MTF1: variants seen among roughly 807,000 people sequenced by gnomAD.
The protein encoded by MTF1 is MRE-binding transcription factor.
A neutral mutation model predicts 70.4 loss-of-function variants in MTF1; 22 were observed. The ratio of observed to expected loss-of-function variants is 0.31; its 90% CI spans 0.22 to 0.45. MTF1 has a LOEUF of 0.45. MTF1 is among the 20% of genes least tolerant of loss of function. MTF1 has a pLI of 1.00. For synonymous variants in MTF1, 333 were observed against 352.8 expected (o/e 0.94, Z 0.63); for missense variants, 649 against 922.0 (o/e 0.70, Z 3.83).
At position 37,835,137 on chromosome 1, in the gene MTF1, T is replaced by C; in HGVS notation, c.932A>G (p.Lys311Arg). The C allele has an allele frequency of 6.2e-7, 1 of 1,614,006 alleles. No individual in the cohort carries two copies. The highest frequency in any genetic ancestry group is 8.5e-7 in the Non-Finnish European group (1 of 1,179,840). ...TGAGTGTCCTTTGTTATCATGACCT[T>C]TCATGTGACTTTTGAGACTGTATTG... The part of the protein sequence containing the change: ...STQYSLKSHM[K>R]GHDNKGHSYN... The change falls in exon 6 of 11, where the codon AAA (lysine) becomes AGA (arginine). Residue 311 changes from lysine to arginine, a missense_variant. By Grantham distance (26) the Lys-to-Arg change is conservative. Coordinates refer to ENST00000373036, the MANE Select transcript of MTF1 (RefSeq NM_005955.3).
chr1:37,835,230 AAGT>A lies in MTF1; in HGVS notation c.854-18_854-16del. ...GGGTCTTTCACCTGCAAGAATAACAAAGTAGTGTTAATTTACCATAAAGTCATT... is the reference window on the plus strand; with the variant it reads ...GGGTCTTTCACCTGCAAGAATAACAAAGTGTTAATTTACCATAAAGTCATT... On this transcript the variant is annotated splice_polypyrimidine_tract_variant and intron_variant, in intron 5 of 10. Coordinates refer to ENST00000373036, the MANE Select transcript of MTF1 (RefSeq NM_005955.3). 6.2e-7 allele frequency: 1 copy of A among 1,610,214 alleles called. No individual in the cohort carries two copies. Among genetic ancestry groups the A allele is most frequent in the Non-Finnish European group, 8.5e-7 (1 of 1,176,614 alleles).
Position 37,858,559 on chromosome 1 carries a change from G to A in MTF1, c.-51-850C>T, listed in dbSNP as rs534998160. ...TCAGGCACAAACAACGAAGATCACTGTATCTATTTATGTCCTAAAACAATA... is the reference window on the plus strand; with the variant it reads ...TCAGGCACAAACAACGAAGATCACTATATCTATTTATGTCCTAAAACAATA... On this transcript the variant is annotated intron_variant, in intron 1 of 10. Transcript: ENST00000373036. 5 of 152,302 alleles carry A rather than the reference G, an allele frequency of 3.3e-5. No homozygotes were observed. The South Asian group carries it at 1.0e-3, about 32-fold the overall frequency. 9.4% of individuals were successfully genotyped at this position (152,302 alleles called of 1,614,324 possible). A position where few individuals can be genotyped will look rare whatever the true frequency, so the allele number is the denominator to read the frequency against.
In MTF1 at chr1:37,812,080, A is replaced by G. The variant is rs1020551425; in HGVS notation, c.*3056T>C. On this transcript the variant is annotated 3_prime_UTR_variant, in exon 11 of 11. Coordinates refer to ENST00000373036, the MANE Select transcript of MTF1 (RefSeq NM_005955.3). The stretch of plus-strand genomic sequence containing the variant: ...TTGTCTAATTGGAGATGTTAGTAGG[A>G]GCTAGAAGATAACGTACAGGGTGAA... 1 of 152,714 alleles carries G rather than the reference A, an allele frequency of 6.5e-6. No homozygotes were observed. Among genetic ancestry groups the G allele is most frequent in the Non-Finnish European group, 1.5e-5 (1 of 68,060 alleles). The allele number at this position is 152,714 out of a possible 1,614,324, so 9.5% of individuals were successfully genotyped here. A position where few individuals can be genotyped will look rare whatever the true frequency, so the allele number is the denominator to read the frequency against.
rs1382609353 is a variant in MTF1 at position 37,815,676 on chromosome 1, A to T, written c.1832-110T>A. 3 of 827,750 alleles carry T rather than the reference A, an allele frequency of 3.6e-6. No individual in the cohort carries two copies. The East Asian group carries it at 7.6e-5, about 21-fold the overall frequency. The allele number at this position is 827,750 out of a possible 1,614,324, so 51.3% of individuals were successfully genotyped here. ...GCAGAGTGCCATGGGAACCATGGGA[A>T]GGATGGTTGCCACACTTCGGGCTTC... On this transcript the variant is annotated intron_variant, in intron 10 of 10. Coordinates refer to ENST00000373036, the MANE Select transcript of MTF1 (RefSeq NM_005955.3). The surrounding 1 kb of genome is among the most constrained non-coding windows in gnomAD (Gnocchi z 4.5).
intron 7 of MTF1, among the ~76,000 whole-genome samples, chr1:37,825,486 C>T (rs1019649588): frequency 6.6e-6 from 1 of 152,150 alleles, no homozygotes; most frequent in Non-Finnish European, 1.5e-5. Flanking sequence ...ATCCTCCCAC[C>T]CCAGCCTCCC....
chr1:37,851,826 A>T (rs754268702), intron 2 of MTF1, among the ~76,000 whole-genome samples: 6 of 151,682 alleles, frequency 4.0e-5, no homozygotes, highest in Non-Finnish European at 8.8e-5. Flanking sequence ...CTACTGCCTC[A>T]TCACTCTTCT....
chr1:37,857,683 G>T lies in MTF1; in HGVS notation c.-25C>A, dbSNP rs891043995. ...TGGTTCAGTTGTGCTCAGCCCAGTT[G>T]TGAGAAATGAAAACGTAATGACTTG... On this transcript the variant is annotated 5_prime_UTR_variant, in exon 2 of 11. Coordinates refer to ENST00000373036, the MANE Select transcript of MTF1 (RefSeq NM_005955.3). 1.2e-6 allele frequency: 2 copies of T among 1,605,780 alleles called. No individual in the cohort carries two copies. Among genetic ancestry groups the T allele is most frequent in the Non-Finnish European group, 1.7e-6 (2 of 1,174,816 alleles).
intron 6 of MTF1, among the ~76,000 whole-genome samples, chr1:37,832,889 C>T (rs534752958): frequency 4.0e-5 from 6 of 151,896 alleles, no homozygotes; most frequent in Admixed American, 3.9e-4. Flanking sequence ...GCCTGTAATC[C>T]CAGCTACTCG....
intron 3 of MTF1, among the ~76,000 whole-genome samples, chr1:37,839,510 G>A (rs1641223897): frequency 6.6e-6 from 1 of 152,150 alleles, no homozygotes; most frequent in African/African-American, 2.4e-5. Flanking sequence ...ATTGGCTACT[G>A]AATAGGCCAC....
chr1:37,819,358 C>T (rs1213008467), intron 9 of MTF1, among the ~76,000 whole-genome samples: 2 of 152,158 alleles, frequency 1.3e-5, no homozygotes, highest in African/African-American at 2.4e-5. Context: ...CGCGGTGGCT[C>T]ACGCCTGTAA....
chr1:37,837,498 A>T lies in MTF1; in HGVS notation c.779+1127T>A, dbSNP rs559816818. Among the ~76,000 whole-genome samples, 91 of 149,994 alleles carry T rather than the reference A, an allele frequency of 6.1e-4. 1 individual carries two copies. Among genetic ancestry groups the T allele is most frequent in the African/African-American group, 1.8e-3 (72 of 40,934 alleles). Reference sequence around the variant, plus strand: ...CTGCCAAAATTCAAATACATTGTTTATTTTTTTTTTATTTTTATTTTTTTT... The same window carrying T: ...CTGCCAAAATTCAAATACATTGTTTTTTTTTTTTTTATTTTTATTTTTTTT... On this transcript the variant is annotated intron_variant, in intron 4 of 10. Coordinates refer to ENST00000373036, the MANE Select transcript of MTF1 (RefSeq NM_005955.3).
intron 10 of MTF1, 147 bp downstream of exon 10, chr1:37,817,272 C>G: frequency 1.5e-6 from 1 of 683,714 alleles, no homozygotes; most frequent in Non-Finnish European, 2.6e-6. Flanking sequence ...ATATGAAATA[C>G]TCTAGCCAAC....
chr1:37,857,579 A>G lies in MTF1; in HGVS notation c.80T>C (p.Leu27Pro). The G allele has an allele frequency of 1.2e-6, 2 of 1,614,218 alleles. No homozygotes were observed. The highest frequency in any genetic ancestry group is 1.7e-5 in the Admixed American group (1 of 60,024). ...CAGTCCGTTTTTATCCACAAACCTG[A>G]GCATTTTATCATCGGGGGTCAGCTC... ...EDELTPDDKM[L>P]RFVDKNGLVP... Residue 27 changes from leucine (L) to proline (P), a missense_variant, in exon 2 of 11, where the codon CTC (leucine) becomes CCC (proline). Physicochemically the swap from Leu to Pro is moderately conservative, Grantham distance 98 (BLOSUM62 -3). Transcript: ENST00000373036.
At chr1:37,853,254 G>C (rs775061168) in intron 2 of MTF1, among the ~76,000 whole-genome samples, 3 of 152,174 alleles carry the variant, frequency 2.0e-5, no homozygotes, top group African/African-American at 7.2e-5. Flanking sequence ...ATTTCTAGGA[G>C]AGTACAGTTC....
chr1:37,859,160 G>A (rs1486720577), intron 1 of MTF1, among the ~76,000 whole-genome samples: 2 of 152,198 alleles, frequency 1.3e-5, no homozygotes, highest in Non-Finnish European at 2.9e-5. Flanking sequence ...CGGCGGCAAC[G>A]CGGAGACCAA....
chr1:37,833,410 G>C (rs1013736609), intron 6 of MTF1, among the ~76,000 whole-genome samples: 2 of 152,116 alleles, frequency 1.3e-5, no homozygotes, highest in African/African-American at 4.8e-5. Flanking sequence ...GTGGTACTGG[G>C]GATTTAGAAT....
Position 37,815,998 on chromosome 1 carries a change from T to C in MTF1, c.1832-432A>G, listed in dbSNP as rs1311996723. Among the ~76,000 whole-genome samples, 1 of 152,154 alleles carries C rather than the reference T, an allele frequency of 6.6e-6. No individual in the cohort carries two copies. The highest frequency in any genetic ancestry group is 1.5e-5 in the Non-Finnish European group (1 of 68,034). On this transcript the variant is annotated intron_variant, in intron 10 of 10. Coordinates refer to ENST00000373036, the MANE Select transcript of MTF1 (RefSeq NM_005955.3). This position sits in a 1 kb window ranked among gnomAD's most constrained non-coding sequence, Gnocchi z 4.5. ...ACCTAGCTCACTCCCCCACTCTCTG[T>C]AGGCCTATGCAGAGGACTAGCTTGG...
chr1:37,832,333 G>C lies in MTF1; in HGVS notation c.991-11C>G, dbSNP rs1641099432. On this transcript the variant is annotated splice_polypyrimidine_tract_variant and intron_variant, in intron 6 of 10. Coordinates refer to ENST00000373036, the MANE Select transcript of MTF1 (RefSeq NM_005955.3). ...TGAGTGATTTGTATCCTGTGAAAGA[G>C]AAAAAATTCTAATTGAGTAACAAAA... 1.3e-6 allele frequency: 2 copies of C among 1,588,642 alleles called. No individual in the cohort carries two copies. The highest frequency in any genetic ancestry group is 8.6e-7 in the Non-Finnish European group (1 of 1,160,186).
rs1369690733 is a variant in MTF1, at chr1:37,857,346, A to G, written c.313T>C (p.Leu105=). Residue 105 remains leucine (L), a synonymous_variant, in exon 2 of 11, where the codon TTG becomes CTG. Transcript: ENST00000373036. ...GGTGTGGAACCAGGGTTTATTGTCA[A>G]ATGAATCTGATCTGGTGAGATAATG... The part of the protein sequence containing the change: ...QHIISPDQIH[L]TINPGSTPMP... 6.2e-7 allele frequency: 1 copy of G among 1,614,074 alleles called. No homozygotes were observed. The highest frequency in any genetic ancestry group is 1.3e-5 in the African/African-American group (1 of 74,928).
Sources: gnomAD v4.1 joint callset for allele counts (sites outside exome capture counted in the v4.1 genomes callset) on GRCh38, gnomAD v4.1.1 for gene constraint, Gnocchi (gnomAD v3.1) non-coding constraint, MANE v1.5 for transcripts, NCBI Gene and HGNC (gene_info 2026-07-23, HGNC 2026-07-21) for gene names.